The following SARS2 variants were observed in gnomAD, a reference collection of about 807,000 sequenced individuals.
SARS2 encodes seryl-tRNA synthetase 2, mitochondrial, also known as serine--tRNA ligase, mitochondrial.
A neutral mutation model predicts 66.8 loss-of-function variants in SARS2; 52 were observed. The observed-to-expected ratio is 0.78, with a 90% confidence interval of 0.62 to 0.98. SARS2 has a LOEUF of 0.98. Among genes scored for constraint, SARS2 ranks in the 50% least tolerant of loss-of-function variants. SARS2 has a pLI of 0.00. For synonymous variants in SARS2, 306 were observed against 281.4 expected (o/e 1.09, Z -0.87); for missense variants, 673 against 706.3 (o/e 0.95, Z 0.53).
At chr19:38,929,726 G>A (rs1373692839) in intron 1 of SARS2, among the ~76,000 whole-genome samples, 1 of 152,118 alleles carries the variant, frequency 6.6e-6, no homozygotes, top group African/African-American at 2.4e-5. Context: ...ACTTCATAGA[G>A]TTGCTGTGAA....
intron 1 of SARS2, among the ~76,000 whole-genome samples, chr19:38,928,561 A>T (rs1412224207): frequency 6.6e-6 from 1 of 152,218 alleles, no homozygotes; most frequent in African/African-American, 2.4e-5. Flanking sequence ...GTACTGGGTC[A>T]GGATGTGAAA....
chr19:38,927,830 C>T (rs1182133006), intron 1 of SARS2, among the ~76,000 whole-genome samples: 4 of 151,276 alleles, frequency 2.6e-5, no homozygotes, highest in South Asian at 2.1e-4. Context: ...GTTAGGAGTT[C>T]GAGACCAGCC....
intron 2 of SARS2, among the ~76,000 whole-genome samples, chr19:38,923,466 C>T (rs1227221251): frequency 1.4e-5 from 2 of 146,508 alleles, no homozygotes; most frequent in Non-Finnish European, 3.0e-5. Flanking sequence ...TCGTGATCCG[C>T]CCACCTCGGC....
rs187289581 is a variant in SARS2 at position 38,918,031 on chromosome 19, G to C, written c.963-23C>G. The C allele has an allele frequency of 3.8e-3, 6,121 of 1,599,396 alleles. 42 individuals are homozygous for C. Among genetic ancestry groups the C allele is most frequent in the Non-Finnish European group, 3.4e-3 (4,013 of 1,172,800 alleles). ...ATCCTGGCAGAGAGCAGGGAAAGTC[G>C]GGTCAAGGAGGGAAGACTGATTGTC... On this transcript the variant is annotated intron_variant, in intron 10 of 15. Transcript: ENST00000221431.
At chr19:38,927,958 G>A (rs1205454082) in intron 1 of SARS2, among the ~76,000 whole-genome samples, 2 of 152,282 alleles carry the variant, frequency 1.3e-5, no homozygotes, top group African/African-American at 2.4e-5. Flanking sequence ...GCTTGAACCC[G>A]GGAGGTAGAG....
Position 38,916,243 on chromosome 19 carries a change from G to C in SARS2, c.1232C>G (p.Pro411Arg). 1 of 1,614,056 alleles carries C rather than the reference G, an allele frequency of 6.2e-7. No homozygotes were observed. The highest frequency in any genetic ancestry group is 8.5e-7 in the Non-Finnish European group (1 of 1,179,946). The change falls in exon 13 of 16, where the codon CCA (proline) becomes CGA (arginine). Residue 411 changes from proline to arginine, a missense_variant. Transcript: ENST00000221431. The stretch of plus-strand genomic sequence containing the variant: ...CACCTCTCCAAAGCGGCCTCGGCCT[G>C]GCATCCAGGCCTCAATGTCAAACTT... ...YRKFDIEAWM[P>R]GRGRFGEVTS...
chr19:38,916,260 G>A lies in SARS2; in HGVS notation c.1215C>T (p.Asp405=), dbSNP rs1031349540. Residue 405 remains aspartate (D), a synonymous_variant, in exon 13 of 16, where the codon GAC becomes GAT. Transcript: ENST00000221431. The stretch of plus-strand genomic sequence containing the variant: ...CTCGGCCTGGCATCCAGGCCTCAAT[G>A]TCAAACTTGCGGTAGGCGGGGAGGC... ...ELGLPAYRKF[D]IEAWMPGRGR... The A allele has an allele frequency of 1.9e-6, 3 of 1,614,110 alleles. No homozygotes were observed. Among genetic ancestry groups the A allele is most frequent in the Admixed American group, 1.7e-5 (1 of 60,024 alleles).
At chr19:38,930,397 G>A in intron 1 of SARS2, 73 bp downstream of exon 1, 3 of 1,513,760 alleles carry the variant, frequency 2.0e-6, no homozygotes, top group Non-Finnish European at 2.6e-6. Flanking sequence ...CCCCCTGCCG[G>A]AGGGCATCTT....
rs1974627031 is a variant in SARS2, at chr19:38,926,298, G to A, written c.270C>T (p.Ile90=). 6.2e-7 allele frequency: 1 copy of A among 1,603,454 alleles called. No homozygotes were observed. The change falls in exon 2 of 16, where the codon ATC becomes ATT. Residue 90 remains isoleucine (I), a splice_region_variant and synonymous_variant. Transcript: ENST00000221431. ...ELRSADLPAI[I]STWQELRQLQ... is the part of the protein sequence containing the mutation. Reference sequence around the variant, plus strand: ...GCTGCCTCAGCTCCTGCCATGTCGAGATCTGGGGTGGATATAAGAGAAAAG... The same window carrying A: ...GCTGCCTCAGCTCCTGCCATGTCGAAATCTGGGGTGGATATAAGAGAAAAG...
In SARS2 at chr19:38,930,757, G is replaced by A. The variant is rs745872060; in HGVS notation, c.-21C>T. 1.2e-6 allele frequency: 2 copies of A among 1,609,856 alleles called. No individual in the cohort carries two copies. The highest frequency in any genetic ancestry group is 1.3e-5 in the African/African-American group (1 of 74,932). On this transcript the variant is annotated 5_prime_UTR_variant, in exon 1 of 16. Transcript: ENST00000221431. ...GCCATCTTGGACCGGGAACAAGGCG[G>A]CACTTCGTCCCGCCCACTCCGCGTT...
chr19:38,916,052 C>A lies in SARS2; in HGVS notation c.1332G>T (p.Leu444=). Residue 444 remains leucine (L), a synonymous_variant, in exon 14 of 16, where the codon CTG becomes CTT. Transcript: ENST00000221431. ...CGGGCCTCACCGTGTGGGCAAACTG[C>A]AGCTCCCCAGCCTCGGTCTGGAACA... The part of the protein sequence containing the change: ...HIMFQTEAGE[L]QFAHTVNATA... 2 of 1,613,646 alleles carry A rather than the reference C, an allele frequency of 1.2e-6. No homozygotes were observed. Among genetic ancestry groups the A allele is most frequent in the Non-Finnish European group, 1.7e-6 (2 of 1,179,932 alleles).
intron 2 of SARS2, among the ~76,000 whole-genome samples, chr19:38,922,855 CTG>C (rs1249970140): frequency 1.3e-5 from 2 of 152,052 alleles, no homozygotes; most frequent in Non-Finnish European, 2.9e-5. Context: ...CCATATGGAA[CTG>C]TGAGTCAATT....
Position 38,919,909 on chromosome 19 carries a change from G to C in SARS2, c.654-42C>G. The C allele has an allele frequency of 5.7e-6, 9 of 1,566,688 alleles. 1 individual carries two copies. The Admixed American group carries it at 1.5e-4, about 27-fold the overall frequency. Reference sequence around the variant, plus strand: ...CAGGCGGGTGCACATGGGCCAGGCTGGCAGGGAATGTGGGGATGAAAACAC... The same window carrying C: ...CAGGCGGGTGCACATGGGCCAGGCTCGCAGGGAATGTGGGGATGAAAACAC... On this transcript the variant is annotated intron_variant, in intron 6 of 15. Transcript: ENST00000221431.
At position 38,921,082 on chromosome 19, in the gene SARS2, G is replaced by A. The variant is rs368749335; in HGVS notation, c.589+310C>T. Among the ~76,000 whole-genome samples the A allele has an allele frequency of 2.2e-4, 33 of 150,982 alleles. 1 individual carries two copies. In the South Asian group the frequency reaches 3.1e-3, roughly 14 times the overall value. ...ACACACATACAGATACAGACACACA[G>A]ATACAGACACACATGACACACAGTC... On this transcript the variant is annotated intron_variant, in intron 5 of 15. Coordinates refer to ENST00000221431, the MANE Select transcript of SARS2 (RefSeq NM_017827.4).
intron 1 of SARS2, among the ~76,000 whole-genome samples, chr19:38,928,573 G>C (rs1351578759): frequency 6.6e-6 from 1 of 152,128 alleles, no homozygotes; most frequent in South Asian, 2.1e-4. Flanking sequence ...GATGTGAAAT[G>C]TATTTCTTAC....
chr19:38,923,912 T>C (rs1269219834), intron 2 of SARS2, among the ~76,000 whole-genome samples: 2 of 151,908 alleles, frequency 1.3e-5, no homozygotes, highest in East Asian at 3.9e-4. Context: ...AGGCAAAGCT[T>C]ACAGTGAGCC....
At chr19:38,926,692 A>G (rs1974633891) in intron 1 of SARS2, among the ~76,000 whole-genome samples, 1 of 152,192 alleles carries the variant, frequency 6.6e-6, no homozygotes, top group African/African-American at 2.4e-5. Context: ...AGGCTGAGGC[A>G]CGAGAATCGC....
At position 38,918,470 on chromosome 19, in the gene SARS2, G is replaced by A. The variant is rs79702490; in HGVS notation, c.868C>T (p.Arg290Cys). The change falls in exon 9 of 16, where the codon CGC becomes TGC. Residue 290 changes from arginine (R) to cysteine (C), a missense_variant. Transcript: ENST00000221431. ...CCAGCCAGGTTGAGATCTTTGAAGC[G>A]GGCAGGGTCGATGTTGTAAATTTGG... ...PSQIYNIDPA[R>C]FKDLNLAGTA... 2.8e-5 allele frequency: 45 copies of A among 1,614,190 alleles called. No individual in the cohort carries two copies. Among genetic ancestry groups the A allele is most frequent in the Middle Eastern group, 1.7e-4 (1 of 6,060 alleles).
In SARS2 at chr19:38,919,689, C is replaced by T. The variant is rs1477332217; in HGVS notation, c.759+73G>A. On this transcript the variant is annotated intron_variant, in intron 7 of 15. Transcript: ENST00000221431. ...ACTAGGGCAGAGCAGAGATCACTCC[C>T]ATCCCCGTTGGGCCCTCTGAGCTCA... 7 of 1,120,192 alleles carry T rather than the reference C, an allele frequency of 6.2e-6. 1 individual carries two copies. The highest frequency in any genetic ancestry group is 4.6e-5 in the African/African-American group (3 of 65,322). 69.4% of individuals were successfully genotyped at this position (1,120,192 alleles called of 1,614,324 possible). A position where few individuals can be genotyped will look rare whatever the true frequency, so the allele number is the denominator to read the frequency against.
Sources: allele counts gnomAD v4.1 joint callset (sites outside exome capture counted in the v4.1 genomes callset), GRCh38; gene constraint gnomAD v4.1.1; transcripts MANE v1.5; gene names NCBI Gene and HGNC (gene_info 2026-07-23, HGNC 2026-07-21).